Variants in DNAI7 observed in about 807,000 individuals in gnomAD.
The protein encoded by DNAI7 is cancer susceptibility 1.
A neutral mutation model predicts 86.6 loss-of-function variants in DNAI7; 78 were observed. The observed-to-expected ratio is 0.90, with a 90% CI of 0.75 to 1.09. The LOEUF is 1.09. Ranked by LOEUF, DNAI7 falls within the 50% of genes least tolerant of loss-of-function variation. The pLI is 0.00. For missense variants in DNAI7, 753 were observed against 810.2 expected, an observed-to-expected ratio of 0.93 and a Z score of 0.86; for synonymous variants, 274 against 273.0, an observed-to-expected ratio of 1.00 and a Z score of -0.04.
At chr12:25,157,519 T>A (rs1946328064) in intron 4 of DNAI7, among the ~76,000 whole-genome samples, 2 of 152,134 alleles carry the variant, frequency 1.3e-5, no homozygotes, top group South Asian at 4.1e-4. Flanking sequence ...AACAATGCCA[T>A]CATTTCCTTA....
intron 7 of DNAI7, among the ~76,000 whole-genome samples, chr12:25,148,263 G>T (rs930184534): frequency 6.6e-6 from 1 of 152,066 alleles, no homozygotes; most frequent in East Asian, 1.9e-4. Context: ...AAGGTCTAGG[G>T]GTTTAACTGG....
At chr12:25,164,673 C>T (rs1947232996) in intron 2 of DNAI7, among the ~76,000 whole-genome samples, 1 of 152,128 alleles carries the variant, frequency 6.6e-6, no homozygotes, top group Non-Finnish European at 1.5e-5. Context: ...ATCAGTCCCT[C>T]CCTAGTCTCT....
intron 5 of DNAI7, 45 bp downstream of exon 5, chr12:25,155,266 T>C (rs1250214408): frequency 1.9e-6 from 2 of 1,047,330 alleles, no homozygotes; most frequent in South Asian, 2.9e-5. Flanking sequence ...CACCTCCCTC[T>C]TGTGGTGACA....
chr12:25,115,640 C>T (rs775058089), intron 12 of DNAI7, among the ~76,000 whole-genome samples: 2 of 152,090 alleles, frequency 1.3e-5, no homozygotes, highest in African/African-American at 2.4e-5. Context: ...TACTTCACAC[C>T]CACTAGAATG....
At chr12:25,112,825 C>T (rs1039035509) in intron 13 of DNAI7, among the ~76,000 whole-genome samples, 7 of 151,614 alleles carry the variant, frequency 4.6e-5, no homozygotes, top group Admixed American at 4.6e-4. Context: ...TTCTTCATAC[C>T]AAGAACTCAA....
chr12:25,159,825 G>A (rs1322694881), intron 3 of DNAI7, among the ~76,000 whole-genome samples: 1 of 152,034 alleles, frequency 6.6e-6, no homozygotes, highest in East Asian at 1.9e-4. Context: ...TACATAAAAA[G>A]TCAATATGGA....
At chr12:25,151,057 A>G (rs1034793966) in intron 6 of DNAI7, among the ~76,000 whole-genome samples, 1 of 152,236 alleles carries the variant, frequency 6.6e-6, no homozygotes, top group Non-Finnish European at 1.5e-5. Flanking sequence ...TGGCAGAATT[A>G]AATTTTGAAC....
Position 25,108,422 on chromosome 12 carries a change from CAG to C in DNAI7, c.*124_*125del, listed in dbSNP as rs1237877256. The C allele has an allele frequency of 1.2e-6, 1 of 804,874 alleles. No homozygotes were observed. The highest frequency in any genetic ancestry group is 1.8e-5 in the African/African-American group (1 of 56,900). The allele number at this position is 804,874 out of a possible 1,614,324, so 49.9% of individuals were successfully genotyped here. On this transcript the variant is annotated 3_prime_UTR_variant, in exon 16 of 16. Transcript: ENST00000395987. ...TAAAATAAAACTTGAGTAGAAAATG[CAG>C]ATTAGAAAATTTTTAATAGTTGATT...
intron 5 of DNAI7, 132 bp downstream of exon 5, chr12:25,155,179 G>A (rs1335395604): frequency 2.0e-6 from 1 of 512,710 alleles, no homozygotes; most frequent in South Asian, 3.3e-5. Context: ...TTTGCCATAA[G>A]CAATCAATTT....
chr12:25,184,967 A>T (rs1161779095), intron 2 of DNAI7, among the ~76,000 whole-genome samples: 37 of 70,270 alleles, frequency 5.3e-4, no homozygotes, highest in Non-Finnish European at 6.2e-4. Context: ...CCATCTCTAT[A>T]AAAAAAAAAA....
intron 12 of DNAI7, among the ~76,000 whole-genome samples, chr12:25,115,864 T>G (rs894378686): frequency 2.0e-5 from 3 of 152,172 alleles, no homozygotes; most frequent in Non-Finnish European, 4.4e-5. Context: ...ATGCAAACAT[T>G]CTCTTCATCT....
In DNAI7 at chr12:25,185,958, C is replaced by T. The variant is rs540927802; in HGVS notation, c.21+4656G>A. ...GTAAAATCTCTTCACAGTTGTATTC[C>T]TAAACAGTAATTTGAACATCAAATT... On this transcript the variant is annotated intron_variant, in intron 2 of 15. Coordinates refer to ENST00000395987, the MANE Select transcript of DNAI7 (RefSeq NM_018272.5). 3.9e-5 allele frequency among the ~76,000 whole-genome samples: 6 copies of T among 152,250 alleles called. No individual in the cohort carries two copies. In the East Asian group the frequency reaches 9.6e-4, roughly 24 times the overall value.
At chr12:25,192,414 T>C (rs1565861012) in intron 1 of DNAI7, among the ~76,000 whole-genome samples, 3 of 152,234 alleles carry the variant, frequency 2.0e-5, no homozygotes, top group African/African-American at 7.2e-5. Flanking sequence ...TCAGAGGGCA[T>C]AAGAATCATA....
chr12:25,180,829 T>A (rs562715102), intron 2 of DNAI7, among the ~76,000 whole-genome samples: 142 of 152,224 alleles, frequency 9.3e-4, no homozygotes, highest in Non-Finnish European at 1.4e-3. Context: ...AACTATAATT[T>A]TTTTTTTCAC....
intron 12 of DNAI7, among the ~76,000 whole-genome samples, chr12:25,118,146 C>T (rs1940545711): frequency 1.3e-5 from 2 of 152,042 alleles, no homozygotes; most frequent in East Asian, 1.9e-4. Context: ...GTTGGCCAGG[C>T]TCTCTCGAAC....
intron 7 of DNAI7, among the ~76,000 whole-genome samples, chr12:25,149,357 CTGTT>C (rs903553206): frequency 1.1e-4 from 17 of 152,134 alleles, no homozygotes; most frequent in African/African-American, 4.1e-4. Flanking sequence ...GGAAGAAAGA[CTGTT>C]TGTGTCCAGA....
At chr12:25,182,045 T>C (rs1949553669) in intron 2 of DNAI7, among the ~76,000 whole-genome samples, 1 of 151,956 alleles carries the variant, frequency 6.6e-6, no homozygotes, top group Admixed American at 6.5e-5. Context: ...TTTTTTTTTT[T>C]TTTTCAAAGA....
At chr12:25,117,938 C>CTTTCTTTTTTTT (rs1555154890) in intron 12 of DNAI7, among the ~76,000 whole-genome samples, 2 of 135,036 alleles carry the variant, frequency 1.5e-5, no homozygotes, top group African/African-American at 2.7e-5. Context: ...TTTTCTTTTT[C>CTTTCTTTTTTTT]TTTTTTTTTT....
chr12:25,188,457 T>C (rs534261105), intron 2 of DNAI7, among the ~76,000 whole-genome samples: 1 of 152,178 alleles, frequency 6.6e-6, no homozygotes, highest in African/African-American at 2.4e-5. Context: ...AAGAAAACTT[T>C]AAAAAACCAG....
Sources: allele counts gnomAD v4.1 joint callset (sites outside exome capture counted in the v4.1 genomes callset), GRCh38; gene constraint gnomAD v4.1.1; transcripts MANE v1.5; gene names NCBI Gene and HGNC (gene_info 2026-07-23, HGNC 2026-07-21).